Variants in CSMD1 observed in about 807,000 individuals in gnomAD.
CSMD1 encodes the protein CUB and sushi domain-containing protein 1.
Under a neutral mutation model 417.5 loss-of-function variants are expected in CSMD1, and 213 were observed. That is an observed-to-expected ratio of 0.51 (90% confidence interval 0.46 to 0.57). The LOEUF (loss-of-function observed/expected upper bound fraction) is 0.57, where lower values mean the gene tolerates loss of function less well. Among genes scored for constraint, CSMD1 ranks in the 20% least tolerant of loss-of-function variants. The probability of loss-of-function intolerance (pLI) is 0.00; values close to 1 mark genes in which losing one functional copy is unlikely to be tolerated. For missense variants in CSMD1, 6,923 were observed against 4,529.7 expected, an observed-to-expected ratio of 1.53 and a Z score of -15.17; for synonymous variants, 2,862 against 1,736.8, an observed-to-expected ratio of 1.65 and a Z score of -16.11.
At chr8:3,670,535 C>CATATATATATATATATCCT (rs1798941386) in intron 7 of CSMD1, among the ~76,000 whole-genome samples, 1 of 92,608 alleles carries the variant, frequency 1.1e-5, no homozygotes, top group Non-Finnish European at 2.6e-5. Flanking sequence ...ACATATATCC[C>CATATATATATATATATCCT]ATATACATAT....
chr8:3,314,892 A>T (rs1029448920), intron 23 of CSMD1, among the ~76,000 whole-genome samples: 1 of 152,240 alleles, frequency 6.6e-6, no homozygotes, highest in Non-Finnish European at 1.5e-5. Flanking sequence ...TAGGCTGAAC[A>T]ACGAGCTCAC....
chr8:3,600,894 T>G (rs907097759), intron 8 of CSMD1, among the ~76,000 whole-genome samples: 1 of 152,108 alleles, frequency 6.6e-6, no homozygotes, highest in African/African-American at 2.4e-5. Flanking sequence ...TTCAATACAA[T>G]AAAAAAATGG....
At chr8:3,039,404 C>T (rs1810927715) in intron 50 of CSMD1, among the ~76,000 whole-genome samples, 1 of 144,304 alleles carries the variant, frequency 6.9e-6, no homozygotes, top group Admixed American at 7.0e-5. Context: ...CCTTCCCTTC[C>T]TTCCTTCTCT....
intron 7 of CSMD1, among the ~76,000 whole-genome samples, chr8:3,626,984 G>A (rs1426065919): frequency 6.6e-6 from 1 of 151,662 alleles, no homozygotes; most frequent in Admixed American, 6.6e-5. Flanking sequence ...GTTTACCATA[G>A]TACGATATAT....
intron 38 of CSMD1, among the ~76,000 whole-genome samples, chr8:3,159,122 T>A (rs922866820): frequency 9.2e-5 from 14 of 152,202 alleles, no homozygotes; most frequent in African/African-American, 3.4e-4. Context: ...CTTCGACGCA[T>A]TAAATTATCC....
At chr8:3,778,908 G>A (rs1051569578) in intron 5 of CSMD1, among the ~76,000 whole-genome samples, 8 of 152,120 alleles carry the variant, frequency 5.3e-5, no homozygotes, top group South Asian at 2.1e-4. Context: ...AGGAGTTCCC[G>A]GATCAACAAC....
intron 2 of CSMD1, among the ~76,000 whole-genome samples, chr8:4,564,525 C>T (rs1341200166): frequency 2.0e-5 from 3 of 152,018 alleles, no homozygotes; most frequent in South Asian, 2.1e-4. Context: ...AATTGTGACT[C>T]GATGTTCGAA....
chr8:4,006,242 G>T (rs1327148606), intron 4 of CSMD1, among the ~76,000 whole-genome samples: 1 of 152,184 alleles, frequency 6.6e-6, no homozygotes, highest in Non-Finnish European at 1.5e-5. Context: ...GTGCGCAGGA[G>T]TAAGGATCAT....
intron 1 of CSMD1, among the ~76,000 whole-genome samples, chr8:4,938,885 G>C (rs141719504): frequency 1.9e-4 from 29 of 152,290 alleles, no homozygotes; most frequent in African/African-American, 6.7e-4. Context: ...GCATTTTCCT[G>C]ATGATTACTG....
intron 48 of CSMD1, among the ~76,000 whole-genome samples, chr8:3,091,265 T>C (rs1189111408): frequency 6.6e-6 from 1 of 152,106 alleles, no homozygotes; most frequent in Non-Finnish European, 1.5e-5. Context: ...AAAATGTCTT[T>C]GCTTTCTATA....
intron 3 of CSMD1, among the ~76,000 whole-genome samples, chr8:4,044,542 C>A (rs1363608439): frequency 6.6e-6 from 1 of 152,182 alleles, no homozygotes; most frequent in Non-Finnish European, 1.5e-5. Flanking sequence ...CACTTCATTC[C>A]ATCTGTGATT....
intron 5 of CSMD1, among the ~76,000 whole-genome samples, chr8:3,796,521 C>T (rs1158073066): frequency 7.1e-6 from 1 of 140,252 alleles, no homozygotes; most frequent in Non-Finnish European, 1.5e-5. Context: ...ATCTATATAT[C>T]TATATCTAAG....
rs906999097 is a variant in CSMD1, at chr8:4,541,075, T to C, written c.302+96267A>G. Among the ~76,000 whole-genome samples, 4 of 152,332 alleles carry C rather than the reference T, an allele frequency of 2.6e-5. No individual in the cohort carries two copies. In the East Asian group the frequency reaches 7.7e-4, roughly 29 times the overall value. On this transcript the variant is annotated intron_variant, in intron 2 of 69. Coordinates refer to ENST00000635120, the MANE Select transcript of CSMD1 (RefSeq NM_033225.6). ...TTGTTAGAAACTCTAAGGACATTTT[T>C]GTGTTTCCCCAAAATGCTATTGTCT...
At chr8:4,243,335 A>C (rs1357821485) in intron 3 of CSMD1, among the ~76,000 whole-genome samples, 1 of 152,166 alleles carries the variant, frequency 6.6e-6, no homozygotes, top group African/African-American at 2.4e-5. Flanking sequence ...GCTGTACTAA[A>C]GCTTTGAAAA....
intron 5 of CSMD1, among the ~76,000 whole-genome samples, chr8:3,865,952 G>A (rs141491195): frequency 6.6e-6 from 1 of 152,248 alleles, no homozygotes; most frequent in East Asian, 1.9e-4. Context: ...GTCTGGGAAT[G>A]TAATTAAAAT....
chr8:4,065,646 T>C (rs955024422), intron 3 of CSMD1, among the ~76,000 whole-genome samples: 2 of 152,236 alleles, frequency 1.3e-5, no homozygotes, highest in Admixed American at 1.3e-4. Context: ...GGCCAGGCAA[T>C]GCCTTTTAGC....
intron 3 of CSMD1, among the ~76,000 whole-genome samples, chr8:4,054,147 C>G (rs1208712345): frequency 6.6e-6 from 1 of 152,122 alleles, no homozygotes; most frequent in African/African-American, 2.4e-5. Context: ...TATGTAAGTA[C>G]AGAACTCCTC....
chr8:4,739,804 A>T (rs1191447457), intron 1 of CSMD1, among the ~76,000 whole-genome samples: 1 of 152,036 alleles, frequency 6.6e-6, no homozygotes, highest in Non-Finnish European at 1.5e-5. Flanking sequence ...TACCTGCTGC[A>T]ACAGCCTCCT....
chr8:3,350,089 A>AAACCCCATTTACAGATG (rs1563299078), intron 21 of CSMD1, among the ~76,000 whole-genome samples: 25 of 127,262 alleles, frequency 2.0e-4, no homozygotes, highest in East Asian at 7.2e-4. Context: ...TAATACCTAT[A>AAACCCCATTTACAGATG]ATAACCTATA....
Sources: gnomAD v4.1 joint callset for allele counts (sites outside exome capture counted in the v4.1 genomes callset) on GRCh38, gnomAD v4.1.1 for gene constraint, MANE v1.5 for transcripts, NCBI Gene and HGNC (gene_info 2026-07-23, HGNC 2026-07-21) for gene names.